The following CRPPA variants were observed in gnomAD, a reference collection of about 807,000 sequenced individuals.
CRPPA encodes the protein D-ribitol-5-phosphate cytidylyltransferase.
CRPPA carries 43 observed loss-of-function variants against 52.0 expected under a neutral mutation model. That is an observed-to-expected ratio of 0.83 (90% confidence interval 0.65 to 1.07). CRPPA has a LOEUF of 1.07. Ranked by LOEUF, CRPPA falls within the 50% of genes least tolerant of loss-of-function variation. CRPPA has a pLI of 0.00. For synonymous variants in CRPPA, 250 were observed against 203.5 expected, an observed-to-expected ratio of 1.23 and a Z score of -1.94; for missense variants, 629 against 551.7, an observed-to-expected ratio of 1.14 and a Z score of -1.40.
intron 9 of CRPPA, among the ~76,000 whole-genome samples, chr7:16,144,905 T>C (rs1782944787): frequency 6.6e-6 from 1 of 152,162 alleles, no homozygotes; most frequent in African/African-American, 2.4e-5. Context: ...TCGGCCAGAC[T>C]CTGTGGGACA....
At chr7:16,253,067 A>G (rs1045689713) in intron 8 of CRPPA, among the ~76,000 whole-genome samples, 2 of 152,048 alleles carry the variant, frequency 1.3e-5, no homozygotes, top group Non-Finnish European at 2.9e-5. Flanking sequence ...TCCTGGATTC[A>G]TTGATTTTTT....
chr7:16,387,072 T>TATATATATACAC (rs1562671572), intron 2 of CRPPA, among the ~76,000 whole-genome samples: 2 of 72,010 alleles, frequency 2.8e-5, no homozygotes, highest in African/African-American at 1.3e-4. Flanking sequence ...TATATATATA[T>TATATATATACAC]ATATATATAT....
intron 3 of CRPPA, among the ~76,000 whole-genome samples, chr7:16,328,814 C>T (rs1785478543): frequency 6.6e-6 from 1 of 152,178 alleles, no homozygotes; most frequent in Admixed American, 6.5e-5. Flanking sequence ...CATGCCTGAC[C>T]TCCAGTTTTC....
At chr7:16,397,652 G>A (rs1370453834) in intron 2 of CRPPA, among the ~76,000 whole-genome samples, 2 of 152,206 alleles carry the variant, frequency 1.3e-5, no homozygotes, top group East Asian at 3.9e-4. Context: ...ACACATGACT[G>A]ACATGTGACT....
intron 5 of CRPPA, among the ~76,000 whole-genome samples, chr7:16,301,164 T>C (rs1476526821): frequency 6.6e-6 from 1 of 152,234 alleles, no homozygotes; most frequent in Non-Finnish European, 1.5e-5. Context: ...CTTCTAATAG[T>C]ATCAATGTCC....
intron 3 of CRPPA, among the ~76,000 whole-genome samples, chr7:16,347,152 A>G (rs976739263): frequency 6.6e-5 from 10 of 152,084 alleles, no homozygotes; most frequent in Non-Finnish European, 1.0e-4. Flanking sequence ...TATGACTTTC[A>G]GCCCCATTTA....
At chr7:16,202,152 T>C (rs186653966) in intron 9 of CRPPA, among the ~76,000 whole-genome samples, 1 of 152,314 alleles carries the variant, frequency 6.6e-6, no homozygotes, top group East Asian at 1.9e-4. Flanking sequence ...CAGTTGAATT[T>C]TTAATAATAA....
chr7:16,162,880 A>C (rs1262611020), intron 9 of CRPPA, among the ~76,000 whole-genome samples: 1 of 150,836 alleles, frequency 6.6e-6, no homozygotes, highest in Non-Finnish European at 1.5e-5. Flanking sequence ...GTGCATATAT[A>C]TTTAGGAGAG....
chr7:16,344,532 C>T (rs1785956605), intron 3 of CRPPA, among the ~76,000 whole-genome samples: 1 of 150,606 alleles, frequency 6.6e-6, no homozygotes, highest in African/African-American at 2.4e-5. Context: ...ACCTGAGCAA[C>T]AGAGACCTTG....
chr7:16,182,231 C>T, intron 9 of CRPPA, among the ~76,000 whole-genome samples: 1 of 151,678 alleles, frequency 6.6e-6, no homozygotes, highest in East Asian at 1.9e-4. Flanking sequence ...CCTAGAGAAA[C>T]TATATCAACT....
intron 3 of CRPPA, among the ~76,000 whole-genome samples, chr7:16,358,144 C>T (rs1358922097): frequency 6.6e-6 from 1 of 151,726 alleles, no homozygotes; most frequent in African/African-American, 2.4e-5. Context: ...AACAGCAGGC[C>T]AGACTGGCAG....
At chr7:16,184,938 G>A (rs1781477219) in intron 9 of CRPPA, among the ~76,000 whole-genome samples, 1 of 152,184 alleles carries the variant, frequency 6.6e-6, no homozygotes, top group Non-Finnish European at 1.5e-5. Flanking sequence ...TCTTTTAAGT[G>A]ATTTACAATG....
At chr7:16,375,344 T>C (rs1786854685) in intron 3 of CRPPA, among the ~76,000 whole-genome samples, 1 of 152,176 alleles carries the variant, frequency 6.6e-6, no homozygotes, top group Admixed American at 6.6e-5. Context: ...TCTGACAAGC[T>C]CAATATCTGA....
intron 3 of CRPPA, among the ~76,000 whole-genome samples, chr7:16,368,789 T>C (rs1437964967): frequency 6.6e-6 from 1 of 152,134 alleles, no homozygotes; most frequent in African/African-American, 2.4e-5. Context: ...CTTATAAAAA[T>C]GCTGCAAATC....
In CRPPA at chr7:16,279,766, T is replaced by A. The variant is rs143115426; in HGVS notation, c.836-1540A>T. On this transcript the variant is annotated intron_variant, in intron 5 of 9. Coordinates refer to ENST00000407010, the MANE Select transcript of CRPPA (RefSeq NM_001101426.4). ...AAGAAGGAAACAACATTTTAATGTG[T>A]ATTGAGGTAGGTAGTCACATAAACG... Among the ~76,000 whole-genome samples, 146 of 152,288 alleles carry A rather than the reference T, an allele frequency of 9.6e-4. 1 individual carries two copies. The highest frequency in any genetic ancestry group is 3.4e-3 in the African/African-American group (142 of 41,570).
intron 3 of CRPPA, among the ~76,000 whole-genome samples, chr7:16,351,866 G>A (rs920960526): frequency 1.6e-4 from 24 of 152,128 alleles, no homozygotes; most frequent in African/African-American, 5.8e-4. Flanking sequence ...AACTCCTCAA[G>A]AATCTAGAAC....
chr7:16,310,810 A>G (rs1452113503), intron 3 of CRPPA, among the ~76,000 whole-genome samples: 1 of 152,144 alleles, frequency 6.6e-6, no homozygotes, highest in Non-Finnish European at 1.5e-5. Flanking sequence ...TATCTTACAA[A>G]CAAGATGTAA....
chr7:16,270,784 AAT>A (rs1301060770), intron 6 of CRPPA, among the ~76,000 whole-genome samples: 12 of 152,302 alleles, frequency 7.9e-5, no homozygotes, highest in Non-Finnish European at 1.8e-4. Context: ...TTCACGCTAA[AAT>A]ATAATATGTA....
Position 16,421,076 on chromosome 7 carries a change from C to T in CRPPA, c.247G>A (p.Ala83Thr). 2.3e-6 allele frequency: 3 copies of T among 1,289,582 alleles called. No individual in the cohort carries two copies. Among genetic ancestry groups the T allele is most frequent in the South Asian group, 2.8e-5 (1 of 36,068 alleles). 79.9% of individuals were successfully genotyped at this position (1,289,582 alleles called of 1,614,324 possible). Reference protein sequence around the residue: ...ERPLISYTLQALERVCWIKDI... With the variant: ...ERPLISYTLQTLERVCWIKDI... ...CCGGCGCCGCATTACCTCTCCAGGG[C>T]CTGTAGGGTGTAGCTGATGAGCGGC... The change falls in exon 1 of 10, where the codon GCC (alanine) becomes ACC (threonine). Residue 83 changes from alanine to threonine, a missense_variant. By Grantham distance (58) the Ala-to-Thr change is moderately conservative (BLOSUM62 0). Transcript: ENST00000407010.
Sources: gnomAD v4.1 joint callset for allele counts (sites outside exome capture counted in the v4.1 genomes callset) on GRCh38, gnomAD v4.1.1 for gene constraint, MANE v1.5 for transcripts, NCBI Gene and HGNC (gene_info 2026-07-23, HGNC 2026-07-21) for gene names.